The following PCDH15 variants were observed in gnomAD, a reference collection of about 807,000 sequenced individuals.
PCDH15 encodes protocadherin related 15.
In PCDH15, 129 loss-of-function variants were observed where a neutral mutation model predicts 178.5. The ratio of observed to expected loss-of-function variants is 0.72; its 90% confidence interval spans 0.63 to 0.84. The LOEUF (loss-of-function observed/expected upper bound fraction) is 0.84, where lower values mean the gene tolerates loss of function less well. PCDH15 is among the 40% of genes least tolerant of loss of function. The pLI is 0.00. For missense variants in PCDH15, 2,230 were observed against 2,099.9 expected, an observed-to-expected ratio of 1.06 and a Z score of -1.21; for synonymous variants, 800 against 732.0, an observed-to-expected ratio of 1.09 and a Z score of -1.50.
chr10:54,801,102 A>T lies in PCDH15; in HGVS notation c.-206T>A, dbSNP rs1952621350. On this transcript the variant is annotated 5_prime_UTR_variant, in exon 1 of 38. The change abolishes an upstream ATG in the 5' untranslated region. Coordinates refer to ENST00000644397, the MANE Select transcript of PCDH15 (RefSeq NM_001384140.1). ...AGGCATTGATATCCACTCTCATATC[A>T]TCAAGAAAATGTTACTAGGAAAATT... is the stretch of plus-strand genomic sequence containing the variant. The T allele has an allele frequency of 6.6e-6, 1 of 152,214 alleles. No individual in the cohort carries two copies. Among genetic ancestry groups the T allele is most frequent in the South Asian group, 2.1e-4 (1 of 4,836 alleles). The allele number at this position is 152,214 out of a possible 1,614,324, so 9.4% of individuals were successfully genotyped here. A position where few individuals can be genotyped will look rare whatever the true frequency, so the allele number is the denominator to read the frequency against.
At chr10:53,843,122 TTA>T (rs1430457302) in intron 28 of PCDH15, among the ~76,000 whole-genome samples, 2 of 152,308 alleles carry the variant, frequency 1.3e-5, no homozygotes, top group African/African-American at 4.8e-5. Flanking sequence ...TAAAAACAAA[TTA>T]TGTCATTTAA....
At chr10:53,972,291 G>C (rs1243733334) in intron 21 of PCDH15, among the ~76,000 whole-genome samples, 1 of 142,582 alleles carries the variant, frequency 7.0e-6, no homozygotes, top group Non-Finnish European at 1.6e-5. Context: ...ATTAATTCAA[G>C]ATGGATTAAA....
chr10:55,467,757 A>T (rs1839862247), intron 2 of PCDH15, among the ~76,000 whole-genome samples: 1 of 151,780 alleles, frequency 6.6e-6, no homozygotes, highest in African/African-American at 2.4e-5. Context: ...TGAGGTCAGG[A>T]GATCGAGATC....
chr10:54,034,617 G>T (rs2384367), intron 18 of PCDH15, among the ~76,000 whole-genome samples: 93,435 of 151,530 alleles, frequency 0.62, 30,834 homozygotes, highest in Non-Finnish European at 0.74. Flanking sequence ...TACTCCCTGG[G>T]ACTGCATTCA....
intron 2 of PCDH15, among the ~76,000 whole-genome samples, chr10:55,469,577 A>G: frequency 6.6e-6 from 1 of 152,092 alleles, no homozygotes. Context: ...GTTTTATATA[A>G]TTATTTTCCA....
chr10:55,579,009 A>G (rs573105894), intron 2 of PCDH15, among the ~76,000 whole-genome samples: 1 of 152,288 alleles, frequency 6.6e-6, no homozygotes, highest in African/African-American at 2.4e-5. Context: ...GTGAAAATAG[A>G]AGAATATGCA....
intron 1 of PCDH15, among the ~76,000 whole-genome samples, chr10:55,253,171 CAG>C (rs1306306105): frequency 1.3e-5 from 2 of 151,226 alleles, no homozygotes; most frequent in Non-Finnish European, 1.5e-5. Flanking sequence ...AAGACAAAGA[CAG>C]AAACAGAGAG....
chr10:55,152,752 T>C (rs539472169), intron 2 of PCDH15, among the ~76,000 whole-genome samples: 1 of 152,258 alleles, frequency 6.6e-6, no homozygotes, highest in African/African-American at 2.4e-5. Flanking sequence ...AAAAGAAATT[T>C]ACATTTGCCC....
chr10:54,037,188 C>A (rs2093435698), intron 18 of PCDH15, among the ~76,000 whole-genome samples: 1 of 151,798 alleles, frequency 6.6e-6, no homozygotes, highest in African/African-American at 2.4e-5. Context: ...GTTGAAATAG[C>A]AACAGATAAT....
intron 1 of PCDH15, among the ~76,000 whole-genome samples, chr10:55,252,999 G>A (rs1841881041): frequency 6.6e-6 from 1 of 152,166 alleles, no homozygotes; most frequent in African/African-American, 2.4e-5. Context: ...TAGCATAGAA[G>A]GTCTGGAATG....
chr10:55,426,800 T>C (rs781642434), intron 2 of PCDH15, among the ~76,000 whole-genome samples: 2 of 152,124 alleles, frequency 1.3e-5, no homozygotes, highest in Non-Finnish European at 2.9e-5. Context: ...TGTGGGAAGC[T>C]AATCTTCCCC....
chr10:55,214,407 T>C (rs975606626), intron 1 of PCDH15, among the ~76,000 whole-genome samples: 1 of 151,984 alleles, frequency 6.6e-6, no homozygotes, highest in Non-Finnish European at 1.5e-5. Context: ...ACATTGTTTT[T>C]TCTTTATGTA....
chr10:55,057,555 T>C (rs1238894958), intron 2 of PCDH15, among the ~76,000 whole-genome samples: 1 of 152,186 alleles, frequency 6.6e-6, no homozygotes, highest in Non-Finnish European at 1.5e-5. Context: ...TGTGGGAAGC[T>C]TGAAGACTGG....
intron 2 of PCDH15, among the ~76,000 whole-genome samples, chr10:54,565,818 C>T (rs1314490225): frequency 6.6e-6 from 1 of 152,162 alleles, no homozygotes; most frequent in Non-Finnish European, 1.5e-5. Context: ...GGCGCGGTGG[C>T]TCATGCCTGT....
intron 3 of PCDH15, among the ~76,000 whole-genome samples, chr10:54,457,685 C>T (rs1195302758): frequency 6.6e-6 from 1 of 151,026 alleles, no homozygotes; most frequent in Non-Finnish European, 1.5e-5. Context: ...AATTGCTAAA[C>T]AATATTTTTT....
chr10:54,959,570 C>G (rs936784121), intron 2 of PCDH15, among the ~76,000 whole-genome samples: 2 of 151,918 alleles, frequency 1.3e-5, no homozygotes, highest in African/African-American at 2.4e-5. Flanking sequence ...TTTTCTTAGG[C>G]AAGGAAATTA....
At chr10:55,541,051 G>T (rs927984726) in intron 2 of PCDH15, among the ~76,000 whole-genome samples, 2 of 152,142 alleles carry the variant, frequency 1.3e-5, no homozygotes, top group Admixed American at 6.6e-5. Flanking sequence ...TTCGGCACAG[G>T]ACCTTGCAGA....
At chr10:55,215,440 A>T (rs985050634) in intron 1 of PCDH15, among the ~76,000 whole-genome samples, 18 of 152,034 alleles carry the variant, frequency 1.2e-4, no homozygotes, top group Non-Finnish European at 8.8e-5. Flanking sequence ...ATTATCTTTC[A>T]CAATTCTACA....
At chr10:55,385,693 C>CTATATATATATATATATATATATATATA (rs57143868) in intron 2 of PCDH15, among the ~76,000 whole-genome samples, 7 of 128,742 alleles carry the variant, frequency 5.4e-5, no homozygotes, top group African/African-American at 1.7e-4. Context: ...CTTCCTCTGC[C>CTATATATATATATATATATATATATATA]TATATATATA....
Sources: allele counts gnomAD v4.1 joint callset (sites outside exome capture counted in the v4.1 genomes callset), GRCh38; gene constraint gnomAD v4.1.1; transcripts MANE v1.5; gene names NCBI Gene and HGNC (gene_info 2026-07-23, HGNC 2026-07-21).